The following IGSF9B variants were observed in gnomAD, a reference collection of about 807,000 sequenced individuals.
The protein encoded by IGSF9B is protein turtle homolog B.
A neutral mutation model predicts 143.7 loss-of-function variants in IGSF9B; 48 were observed. The observed-to-expected ratio is 0.33, with a 90% CI of 0.26 to 0.42. The LOEUF (loss-of-function observed/expected upper bound fraction) is 0.42, where lower values mean the gene tolerates loss of function less well. IGSF9B is among the 20% of genes least tolerant of loss of function. The probability of loss-of-function intolerance (pLI) is 1.00; values close to 1 mark genes in which losing one functional copy is unlikely to be tolerated. For missense variants in IGSF9B, 1,706 were observed against 1,980.0 expected, an observed-to-expected ratio of 0.86 and a Z score of 2.63; for synonymous variants, 903 against 833.1, an observed-to-expected ratio of 1.08 and a Z score of -1.44.
chr11:133,925,490 C>T (rs541541570), intron 14 of IGSF9B, among the ~76,000 whole-genome samples: 2 of 152,274 alleles, frequency 1.3e-5, no homozygotes, highest in South Asian at 2.1e-4. Flanking sequence ...CAGCTTGTAG[C>T]GGTGCCGGGA....
Position 133,908,841 on chromosome 11 carries a change from C to T in IGSF9B, c.*228G>A. On this transcript the variant is annotated 3_prime_UTR_variant, in exon 20 of 20. Coordinates refer to ENST00000533871, the MANE Select transcript of IGSF9B (RefSeq NM_001277285.4). Reference sequence around the variant, plus strand: ...GAGGAGACAGGTGTTGCCCAGTCTCCAATCCACTTCCTGACCTCGACCCAC... The same window carrying T: ...GAGGAGACAGGTGTTGCCCAGTCTCTAATCCACTTCCTGACCTCGACCCAC... 1 of 534,174 alleles carries T rather than the reference C, an allele frequency of 1.9e-6. No individual in the cohort carries two copies. Among genetic ancestry groups the T allele is most frequent in the Non-Finnish European group, 3.3e-6 (1 of 299,640 alleles). The allele number at this position is 534,174 out of a possible 1,614,324, so 33.1% of individuals were successfully genotyped here.
Position 133,903,417 on chromosome 11 carries a change from G to A in IGSF9B, c.*5652C>T, listed in dbSNP as rs80000413. On this transcript the variant is annotated 3_prime_UTR_variant, in exon 20 of 20. Transcript: ENST00000533871. Reference sequence around the variant, plus strand: ...GGTAGCTTTTCACCAGCTCTCGTCCGAAACCCTAACTACTACTACTGTCTT... The same window carrying A: ...GGTAGCTTTTCACCAGCTCTCGTCCAAAACCCTAACTACTACTACTGTCTT... 0.054 allele frequency among the ~76,000 whole-genome samples: 8,245 copies of A among 152,148 alleles called. 387 individuals are homozygous for A. The highest frequency in any genetic ancestry group is 0.074 in the Non-Finnish European group (5,049 of 68,004).
intron 13 of IGSF9B, among the ~76,000 whole-genome samples, 164 bp from the exon 14 acceptor site, chr11:133,926,129 A>G (rs916046808): frequency 1.3e-5 from 2 of 152,226 alleles, no homozygotes; most frequent in African/African-American, 4.8e-5. Context: ...CTAAACATAC[A>G]TGAGGGAATC....
chr11:133,942,370 C>T (rs533659314), intron 3 of IGSF9B, among the ~76,000 whole-genome samples: 2 of 152,136 alleles, frequency 1.3e-5, no homozygotes, highest in Non-Finnish European at 2.9e-5. Context: ...GTTTATGAAA[C>T]GAACCTCATC....
chr11:133,899,101 C>T lies in IGSF9B; in HGVS notation c.*9968G>A, dbSNP rs1416905537. On this transcript the variant is annotated 3_prime_UTR_variant, in exon 20 of 20. Transcript: ENST00000533871. ...GACAGAGGTAGCAAGACAGAAACAA[C>T]TCCTCAGATACCTCCACCTTCTACC... is the stretch of plus-strand genomic sequence containing the variant. 6.6e-6 allele frequency: 1 copy of T among 152,312 alleles called. No individual in the cohort carries two copies. 9.4% of individuals were successfully genotyped at this position (152,312 alleles called of 1,614,324 possible).
Position 133,931,923 on chromosome 11 carries a change from C to T in IGSF9B, c.1111-128G>A. Reference sequence around the variant, plus strand: ...GAGCTCCAGCCCGGGGCGGGCGGCACCCGCAGACCCCTACAGAAGCAGCTC... The same window carrying T: ...GAGCTCCAGCCCGGGGCGGGCGGCATCCGCAGACCCCTACAGAAGCAGCTC... On this transcript the variant is annotated intron_variant, in intron 8 of 19. Transcript: ENST00000533871. The surrounding 1 kb of genome is among the most constrained non-coding windows in gnomAD (Gnocchi z 7.7). 3 of 1,489,762 alleles carry T rather than the reference C, an allele frequency of 2.0e-6. No individual in the cohort carries two copies. Among genetic ancestry groups the T allele is most frequent in the South Asian group, 2.6e-5 (2 of 77,990 alleles). 92.3% of individuals were successfully genotyped at this position (1,489,762 alleles called of 1,614,324 possible).
In IGSF9B at chr11:133,900,860, C is replaced by T. The variant is rs374841240; in HGVS notation, c.*8209G>A. ...TCACAAACTCTCCCATTGCCATGCC[C>T]TCTATGAGCGGTCTGAGCTGTCTGA... On this transcript the variant is annotated 3_prime_UTR_variant, in exon 20 of 20. Coordinates refer to ENST00000533871, the MANE Select transcript of IGSF9B (RefSeq NM_001277285.4). 2 of 152,310 alleles carry T rather than the reference C, an allele frequency of 1.3e-5. No homozygotes were observed. Among genetic ancestry groups the T allele is most frequent in the African/African-American group, 2.4e-5 (1 of 41,444 alleles). The allele number at this position is 152,310 out of a possible 1,614,324, so 9.4% of individuals were successfully genotyped here.
rs1939333277 is a variant in IGSF9B at position 133,913,598 on chromosome 11, G to A, written c.3984-1591C>T. Among the ~76,000 whole-genome samples the A allele has an allele frequency of 6.6e-6, 1 of 152,324 alleles. No individual in the cohort carries two copies. Among genetic ancestry groups the A allele is most frequent in the Non-Finnish European group, 1.5e-5 (1 of 68,026 alleles). On this transcript the variant is annotated intron_variant, in intron 18 of 19. Transcript: ENST00000533871. This position sits in a 1 kb window ranked among gnomAD's most constrained non-coding sequence, Gnocchi z 4.6. ...TTGACTTTCCATAGCCCTGACAGCA[G>A]AGCTAAGAAGGCTACACAGGGTCCC... is the stretch of plus-strand genomic sequence containing the variant.
chr11:133,927,566 A>G (rs1312673400), intron 12 of IGSF9B, among the ~76,000 whole-genome samples: 1 of 152,234 alleles, frequency 6.6e-6, no homozygotes, highest in African/African-American at 2.4e-5. Context: ...CATTCATCCA[A>G]TCAGACTGGA....
At chr11:133,915,536 G>C (rs1939365189) in intron 18 of IGSF9B, among the ~76,000 whole-genome samples, 2 of 152,056 alleles carry the variant, frequency 1.3e-5, no homozygotes, top group South Asian at 4.2e-4. Flanking sequence ...ACGGCACCCA[G>C]CCCACACTCT....
chr11:133,923,493 T>C (rs914065079), intron 15 of IGSF9B, among the ~76,000 whole-genome samples: 2 of 152,222 alleles, frequency 1.3e-5, no homozygotes, highest in African/African-American at 2.4e-5. Context: ...GAGCTCGTTA[T>C]GACCGAGCCA....
chr11:133,906,795 C>G lies in IGSF9B; in HGVS notation c.*2274G>C, dbSNP rs1939217096. On this transcript the variant is annotated 3_prime_UTR_variant, in exon 20 of 20. Coordinates refer to ENST00000533871, the MANE Select transcript of IGSF9B (RefSeq NM_001277285.4). ...CATCCCAGTGCATCCCAGGGCCTGG[C>G]TGAGCCCCGTGAGCTCCTCTGGGGT... Among the ~76,000 whole-genome samples the G allele has an allele frequency of 3.3e-5, 5 of 152,288 alleles. No individual in the cohort carries two copies. The highest frequency in any genetic ancestry group is 3.4e-3 in the Middle Eastern group (1 of 294).
intron 1 of IGSF9B, among the ~76,000 whole-genome samples, chr11:133,947,276 A>G (rs1167457602): frequency 6.6e-6 from 1 of 152,220 alleles, no homozygotes; most frequent in Non-Finnish European, 1.5e-5. Flanking sequence ...ACTGCCAGGC[A>G]GGGCCAGGGA....
At chr11:133,922,871 C>G in intron 15 of IGSF9B, 141 bp from the exon 16 acceptor site, 1 of 744,228 alleles carries the variant, frequency 1.3e-6, no homozygotes, top group Non-Finnish European at 2.1e-6. Context: ...AACTCTAGCA[C>G]TGAAGAGGTT....
At chr11:133,934,842 A>G (rs943529695) in intron 7 of IGSF9B, among the ~76,000 whole-genome samples, 47 of 152,156 alleles carry the variant, frequency 3.1e-4, no homozygotes, top group Admixed American at 2.0e-3. Flanking sequence ...ATCCGCCCAC[A>G]CCAGCCGGGA....
chr11:133,897,221 A>C lies in IGSF9B; in HGVS notation c.*11848T>G, dbSNP rs1407173314. ...AAGGGAAGGAGGCAGAAAACAGGGG[A>C]GAGAGCATCCCCCCTTCATTCCCAC... On this transcript the variant is annotated 3_prime_UTR_variant, in exon 20 of 20. Coordinates refer to ENST00000533871, the MANE Select transcript of IGSF9B (RefSeq NM_001277285.4). 1 of 152,116 alleles carries C rather than the reference A, an allele frequency of 6.6e-6. No individual in the cohort carries two copies. The highest frequency in any genetic ancestry group is 1.9e-4 in the East Asian group (1 of 5,182). The allele number at this position is 152,116 out of a possible 1,614,324, so 9.4% of individuals were successfully genotyped here.
In IGSF9B at chr11:133,920,440, C is replaced by A; in HGVS notation, c.3285G>T (p.Leu1095=). The change falls in exon 18 of 20, where the codon CTG becomes CTT. Residue 1095 remains leucine (L), a synonymous_variant. Coordinates refer to ENST00000533871, the MANE Select transcript of IGSF9B (RefSeq NM_001277285.4). Reference sequence around the variant, plus strand: ...CCCAACCCTTCGGTGCCTCCAGAGACAGGATGCCCGGGTAGGCCGCGGGCA... The same window carrying A: ...CCCAACCCTTCGGTGCCTCCAGAGAAAGGATGCCCGGGTAGGCCGCGGGCA... ...LQVPAAYPGI[L]SLEAPKGWAG... is the part of the protein sequence containing the mutation. 6.3e-7 allele frequency: 1 copy of A among 1,574,886 alleles called. No individual in the cohort carries two copies. The highest frequency in any genetic ancestry group is 1.2e-5 in the South Asian group (1 of 85,948).
Position 133,902,161 on chromosome 11 carries a change from CACACACCAA to C in IGSF9B, c.*6899_*6907del, listed in dbSNP as rs1294850979. ...CACACCAAACACACCAGACACACCA[CACACACCAA>C]ACACACACACACCAAACACACCAGA... On this transcript the variant is annotated 3_prime_UTR_variant, in exon 20 of 20. Coordinates refer to ENST00000533871, the MANE Select transcript of IGSF9B (RefSeq NM_001277285.4). 2.0e-5 allele frequency among the ~76,000 whole-genome samples: 3 copies of C among 150,126 alleles called. No individual in the cohort carries two copies. Among genetic ancestry groups the C allele is most frequent in the Admixed American group, 6.6e-5 (1 of 15,090 alleles).
intron 6 of IGSF9B, 73 bp downstream of exon 6, chr11:133,935,980 A>AT: frequency 6.4e-7 from 1 of 1,555,870 alleles, no homozygotes; most frequent in Non-Finnish European, 8.7e-7. Flanking sequence ...TGCCCGTGCA[A>AT]TTTCTGCTCA....
Sources: gnomAD v4.1 joint callset for allele counts (sites outside exome capture counted in the v4.1 genomes callset) on GRCh38, gnomAD v4.1.1 for gene constraint, Gnocchi (gnomAD v3.1) non-coding constraint, MANE v1.5 for transcripts, NCBI Gene and HGNC (gene_info 2026-07-23, HGNC 2026-07-21) for gene names.